The following GLIS3 variants were observed in gnomAD, a reference collection of about 807,000 sequenced individuals.
The protein encoded by GLIS3 is zinc finger protein GLIS3.
A neutral mutation model predicts 78.6 loss-of-function variants in GLIS3; 53 were observed. That is an observed-to-expected ratio of 0.67 (90% CI 0.54 to 0.85). The LOEUF is 0.85. Ranked by LOEUF, GLIS3 falls within the 40% of genes least tolerant of loss-of-function variation. The pLI, the probability that GLIS3 is intolerant of heterozygous loss-of-function variation, is 0.00. For missense variants in GLIS3, 1,703 were observed against 1,231.1 expected (o/e 1.38, Z -5.74); for synonymous variants, 684 against 509.9 (o/e 1.34, Z -4.60).
the GLIS3 span, among the ~76,000 whole-genome samples, chr9:4,459,461 G>C: frequency 3.3e-5 from 5 of 152,180 alleles, no homozygotes; most frequent in East Asian, 9.6e-4. Flanking sequence ...CCAGAAAGCA[G>C]ATGCAGAAAG....
At chr9:4,206,673 G>T (rs773056793) in intron 2 of GLIS3, among the ~76,000 whole-genome samples, 3 of 152,146 alleles carry the variant, frequency 2.0e-5, no homozygotes, top group Non-Finnish European at 2.9e-5. Context: ...TCTAATAAGG[G>T]GTGTGAACCA....
intron 2 of GLIS3, among the ~76,000 whole-genome samples, chr9:4,255,697 A>C (rs1824863257): frequency 6.6e-6 from 1 of 152,214 alleles, no homozygotes; most frequent in Non-Finnish European, 1.5e-5. Context: ...AGTGGTTGCC[A>C]AGAGCTAGGG....
chr9:4,225,437 T>C (rs1821688244), intron 2 of GLIS3, among the ~76,000 whole-genome samples: 1 of 152,246 alleles, frequency 6.6e-6, no homozygotes, highest in Non-Finnish European at 1.5e-5. Flanking sequence ...GAGTAATTTA[T>C]TTCCTCCATT....
intron 4 of GLIS3, among the ~76,000 whole-genome samples, chr9:4,004,040 TGTCAG>T (rs1410585964): frequency 1.3e-5 from 2 of 152,176 alleles, no homozygotes; most frequent in African/African-American, 4.8e-5. Flanking sequence ...ACTTACTCCA[TGTCAG>T]GTAAAGTGTT....
At chr9:4,128,342 A>G (rs1461166569) in intron 2 of GLIS3, among the ~76,000 whole-genome samples, 2 of 152,198 alleles carry the variant, frequency 1.3e-5, no homozygotes, top group Non-Finnish European at 2.9e-5. Flanking sequence ...TCAGGGAACT[A>G]AACTCTTTAC....
the GLIS3 span, among the ~76,000 whole-genome samples, chr9:4,415,341 A>G: frequency 6.6e-6 from 1 of 152,180 alleles, no homozygotes; most frequent in African/African-American, 2.4e-5. Context: ...AGGAACCTCA[A>G]CATTATTTTT....
At chr9:4,480,132 T>C in the GLIS3 span, among the ~76,000 whole-genome samples, 3 of 151,672 alleles carry the variant, frequency 2.0e-5, no homozygotes, top group Non-Finnish European at 2.9e-5. Context: ...ACAGATGTTA[T>C]AGGTGGAGAC....
At chr9:4,468,586 G>A in the GLIS3 span, among the ~76,000 whole-genome samples, 2 of 152,214 alleles carry the variant, frequency 1.3e-5, no homozygotes, top group Non-Finnish European at 2.9e-5. Flanking sequence ...AGCAAATGCT[G>A]AGAGATTCTG....
At chr9:3,872,205 T>C (rs1821013169) in intron 8 of GLIS3, among the ~76,000 whole-genome samples, 2 of 152,344 alleles carry the variant, frequency 1.3e-5, no homozygotes, top group South Asian at 4.1e-4. Context: ...TCTATCAGCA[T>C]TTTGGGCAAA....
intron 4 of GLIS3, among the ~76,000 whole-genome samples, chr9:4,014,176 T>C (rs990570892): frequency 3.3e-5 from 5 of 152,182 alleles, no homozygotes; most frequent in African/African-American, 7.2e-5. Context: ...TTGGCCTCAA[T>C]GAAACCTACA....
intron 4 of GLIS3, among the ~76,000 whole-genome samples, chr9:4,032,590 T>C (rs1422973017): frequency 6.6e-6 from 1 of 152,192 alleles, no homozygotes; most frequent in African/African-American, 2.4e-5. Context: ...CTAACAAATT[T>C]GAGTATTTCT....
chr9:4,157,595 C>T (rs1835134246), intron 2 of GLIS3, among the ~76,000 whole-genome samples: 1 of 152,214 alleles, frequency 6.6e-6, no homozygotes, highest in African/African-American at 2.4e-5. Flanking sequence ...GTTATTATTA[C>T]TAGGCCTAAC....
intron 2 of GLIS3, among the ~76,000 whole-genome samples, chr9:4,234,221 G>A (rs1443488926): frequency 1.3e-5 from 2 of 152,140 alleles, no homozygotes; most frequent in African/African-American, 4.8e-5. Context: ...TCACAACTTG[G>A]CTAAATGTTT....
chr9:4,248,865 G>C (rs1050566487), intron 2 of GLIS3, among the ~76,000 whole-genome samples: 28 of 152,120 alleles, frequency 1.8e-4, no homozygotes, highest in Non-Finnish European at 2.4e-4. Flanking sequence ...TTTCATGTTT[G>C]TTGGCCACAT....
intron 9 of GLIS3, among the ~76,000 whole-genome samples, chr9:3,853,114 A>G (rs1449778405): frequency 6.6e-6 from 1 of 152,154 alleles, no homozygotes; most frequent in Non-Finnish European, 1.5e-5. Flanking sequence ...TGGGAGGCTA[A>G]AATAAGACTG....
the GLIS3 span, among the ~76,000 whole-genome samples, chr9:4,450,986 T>A: frequency 6.6e-6 from 1 of 152,184 alleles, no homozygotes; most frequent in African/African-American, 2.4e-5. Context: ...CAGCATCAAA[T>A]TCACAATAAC....
chr9:3,884,314 C>T (rs562984422), intron 7 of GLIS3, among the ~76,000 whole-genome samples: 14 of 152,196 alleles, frequency 9.2e-5, no homozygotes, highest in African/African-American at 2.6e-4. Flanking sequence ...ATCACCAGAG[C>T]GGAGGAAGGC....
At chr9:4,153,545 C>G (rs554717654) in intron 2 of GLIS3, among the ~76,000 whole-genome samples, 1 of 152,262 alleles carries the variant, frequency 6.6e-6, no homozygotes, top group African/African-American at 2.4e-5. Context: ...GCCTGGGCAA[C>G]ACAGTGAGAC....
the GLIS3 span, among the ~76,000 whole-genome samples, chr9:4,353,484 G>A: frequency 6.6e-6 from 1 of 152,296 alleles, no homozygotes; most frequent in African/African-American, 2.4e-5. Context: ...TCTGGACTCA[G>A]CCCAGCCAAG....
Sources: allele counts gnomAD v4.1 joint callset (sites outside exome capture counted in the v4.1 genomes callset), GRCh38; gene constraint gnomAD v4.1.1; transcripts MANE v1.5; gene names NCBI Gene and HGNC (gene_info 2026-07-23, HGNC 2026-07-21).